The following ORAI2 variants were observed in gnomAD, a reference collection of about 807,000 sequenced individuals.
The protein encoded by ORAI2 is ORAI calcium release-activated calcium modulator 2, also known as protein orai-2.
Under a neutral mutation model 16.2 loss-of-function variants are expected in ORAI2, and 10 were observed. The ratio of observed to expected loss-of-function variants is 0.62; its 90% CI spans 0.38 to 1.04. The LOEUF is 1.04. Among genes scored for constraint, ORAI2 ranks in the 50% least tolerant of loss-of-function variants. The pLI is 0.01. For synonymous variants in ORAI2, 150 were observed against 157.5 expected, an observed-to-expected ratio of 0.95 and a Z score of 0.35; for missense variants, 238 against 355.5, an observed-to-expected ratio of 0.67 and a Z score of 2.66.
rs746348468 is a variant in ORAI2, at chr7:102,446,626, C to A, written c.339C>A (p.Leu113=). The A allele has an allele frequency of 6.2e-7, 1 of 1,614,076 alleles. No individual in the cohort carries two copies. Among genetic ancestry groups the A allele is most frequent in the South Asian group, 1.1e-5 (1 of 91,090 alleles). Residue 113 remains leucine (L), a synonymous_variant, in exon 4 of 4, where the codon CTC becomes CTA. Transcript: ENST00000495936. ...VLVAVHLFAL[L]ISTCILPNVE... is the part of the protein sequence containing the mutation. ...TGGCCGTGCACCTGTTCGCCCTCCTCATCAGCACCTGCATCCTGCCCAATG... is the reference window on the plus strand; with the variant it reads ...TGGCCGTGCACCTGTTCGCCCTCCTAATCAGCACCTGCATCCTGCCCAATG...
rs60274499 is a variant in ORAI2, at chr7:102,447,653, G to T, written c.*601G>T. On this transcript the variant is annotated 3_prime_UTR_variant, in exon 4 of 4. Transcript: ENST00000495936. ...GGACACACGTCAGCCCAGCAGGTGT[G>T]GGGGGTGCTGCAGCCCTCGGCAGTG... is the stretch of plus-strand genomic sequence containing the variant. 0.064 allele frequency: 8,487 copies of T among 132,994 alleles called. 796 individuals carry two copies. The highest frequency in any genetic ancestry group is 0.21 in the African/African-American group (8,017 of 38,752). The allele number at this position is 132,994 out of a possible 1,614,324, so 8.2% of individuals were successfully genotyped here.
At chr7:102,435,245 T>G (rs1269367994) in intron 1 of ORAI2, among the ~76,000 whole-genome samples, 1 of 152,188 alleles carries the variant, frequency 6.6e-6, no homozygotes, top group Non-Finnish European at 1.5e-5. Flanking sequence ...CACTCCAGCC[T>G]TGGTAACACA....
Position 102,447,269 on chromosome 7 carries a change from C to A in ORAI2, c.*217C>A. The A allele has an allele frequency of 1.6e-6, 1 of 607,014 alleles. No individual in the cohort carries two copies. The highest frequency in any genetic ancestry group is 2.3e-5 in the South Asian group (1 of 43,594). 37.6% of individuals were successfully genotyped at this position (607,014 alleles called of 1,614,324 possible). A position where few individuals can be genotyped will look rare whatever the true frequency, so the allele number is the denominator to read the frequency against. On this transcript the variant is annotated 3_prime_UTR_variant, in exon 4 of 4. Transcript: ENST00000495936. ...TAAGAGCGTTGGGGGCAAAGCCAGG[C>A]TGGTTCCTTGGCCTCGGGGTTTCCT... is the stretch of plus-strand genomic sequence containing the variant.
intron 1 of ORAI2, among the ~76,000 whole-genome samples, chr7:102,435,032 G>A (rs538259210): frequency 6.6e-6 from 1 of 152,270 alleles, no homozygotes; most frequent in South Asian, 2.1e-4. Flanking sequence ...CACTTTGGGA[G>A]GCCAAGGTGG....
chr7:102,446,841 C>T lies in ORAI2; in HGVS notation c.554C>T (p.Pro185Leu), dbSNP rs766937231. 3.1e-6 allele frequency: 5 copies of T among 1,613,850 alleles called. No individual in the cohort carries two copies. The highest frequency in any genetic ancestry group is 3.4e-6 in the Non-Finnish European group (4 of 1,179,986). Reference sequence around the variant, plus strand: ...GATGCCCGGCGCCAGCCTGGCCCCCCACCTGGCCCTGGGAGTCACACGGGC... The same window carrying T: ...GATGCCCGGCGCCAGCCTGGCCCCCTACCTGGCCCTGGGAGTCACACGGGC... ...PVDARRQPGP[P>L]PGPGSHTGWQ... Residue 185 changes from proline to leucine, a missense_variant, in exon 4 of 4, where the codon CCA becomes CTA. Pro to Leu is a moderately conservative substitution (Grantham distance 98). Around this residue, in one of 3 missense-constraint regions of ORAI2, gnomAD observed 176 missense variants for 265.9 expected, o/e 0.66. Coordinates refer to ENST00000495936, the MANE Select transcript of ORAI2 (RefSeq NM_001126340.3).
At chr7:102,435,198 G>A (rs1776345517) in intron 1 of ORAI2, among the ~76,000 whole-genome samples, 1 of 152,170 alleles carries the variant, frequency 6.6e-6, no homozygotes, top group Non-Finnish European at 1.5e-5. Flanking sequence ...TTGAGCCTGG[G>A]AGGTAGAATT....
At position 102,452,054 on chromosome 7, in the gene ORAI2, A is replaced by C. The variant is rs1228292945; in HGVS notation, c.*5002A>C. The C allele has an allele frequency of 6.6e-6, 1 of 152,050 alleles. No individual in the cohort carries two copies. Among genetic ancestry groups the C allele is most frequent in the East Asian group, 1.9e-4 (1 of 5,186 alleles). 9.4% of individuals were successfully genotyped at this position (152,050 alleles called of 1,614,324 possible). ...CACTGGTCACCTCAGGACATTCTCC[A>C]GCCCCAAGTCCCTGTGGGGCAGCAG... On this transcript the variant is annotated 3_prime_UTR_variant, in exon 4 of 4. Coordinates refer to ENST00000495936, the MANE Select transcript of ORAI2 (RefSeq NM_001126340.3).
chr7:102,445,866 T>C (rs184925388), intron 3 of ORAI2, among the ~76,000 whole-genome samples: 13 of 152,024 alleles, frequency 8.6e-5, no homozygotes, highest in African/African-American at 3.1e-4. Context: ...CCTTCTTTCT[T>C]TTTCTTTTCT....
intron 3 of ORAI2, among the ~76,000 whole-genome samples, chr7:102,443,134 T>TTCTTCTTCTTCTTC (rs1365078690): frequency 5.8e-5 from 4 of 69,156 alleles, no homozygotes; most frequent in African/African-American, 3.0e-4. Flanking sequence ...TCTTCTTCTT[T>TTCTTCTTCTTCTTC]TTTTTTTTTT....
In ORAI2 at chr7:102,452,136, CTT is replaced by C. The variant is rs879132941; in HGVS notation, c.*5097_*5098del. ...CACTGCTAAGGAAGCACCAGACAGC[CTT>C]TTTTTTTTTTTTGAGACAGAGTCGC... On this transcript the variant is annotated 3_prime_UTR_variant, in exon 4 of 4. Transcript: ENST00000495936. 1.7e-4 allele frequency: 25 copies of C among 143,126 alleles called. No individual in the cohort carries two copies. Among genetic ancestry groups the C allele is most frequent in the Middle Eastern group, 3.5e-3 (1 of 282 alleles). 8.9% of individuals were successfully genotyped at this position (143,126 alleles called of 1,614,324 possible). A position where few individuals can be genotyped will look rare whatever the true frequency, so the allele number is the denominator to read the frequency against.
At position 102,454,304 on chromosome 7, in the gene ORAI2, G is replaced by A. The variant is rs1312563730; in HGVS notation, c.*7252G>A. On this transcript the variant is annotated 3_prime_UTR_variant, in exon 4 of 4. Transcript: ENST00000495936. ...AGCTACTGGGGAGGCTGAGGTGGGA[G>A]AATCATCTGAGCCCAGGGAGGTTGA... 6.6e-6 allele frequency: 1 copy of A among 152,616 alleles called. No homozygotes were observed. Among genetic ancestry groups the A allele is most frequent in the Admixed American group, 6.5e-5 (1 of 15,282 alleles). 9.5% of individuals were successfully genotyped at this position (152,616 alleles called of 1,614,324 possible).
chr7:102,445,046 G>A (rs980148773), intron 3 of ORAI2, among the ~76,000 whole-genome samples: 5 of 60,218 alleles, frequency 8.3e-5, no homozygotes, highest in East Asian at 1.4e-3. Flanking sequence ...TGTAGCCTCC[G>A]ACTACGGTTG....
chr7:102,446,994 A>G lies in ORAI2; in HGVS notation c.707A>G (p.Glu236Gly). The change falls in exon 4 of 4, where the codon GAG becomes GGG. Residue 236 changes from glutamate to glycine, a missense_variant. Transcript: ENST00000495936. ...GAGCGCCACAACCGCGAGATCGAGGAGCTCCACAAGCTCAAGGTCCAGCTG... is the reference window on the plus strand; with the variant it reads ...GAGCGCCACAACCGCGAGATCGAGGGGCTCCACAAGCTCAAGGTCCAGCTG... ...KTERHNREIE[E>G]LHKLKVQLDG... is the part of the protein sequence containing the mutation. The G allele has an allele frequency of 6.3e-7, 1 of 1,585,184 alleles. No individual in the cohort carries two copies. The highest frequency in any genetic ancestry group is 8.6e-7 in the Non-Finnish European group (1 of 1,168,462).
chr7:102,434,034 A>G (rs1436330285), intron 1 of ORAI2, among the ~76,000 whole-genome samples: 1 of 148,398 alleles, frequency 6.7e-6, no homozygotes, highest in Non-Finnish European at 1.5e-5. Context: ...AAATGTGTCC[A>G]GTAGGCCAGC....
chr7:102,445,834 TTC>T (rs1051899502), intron 3 of ORAI2, among the ~76,000 whole-genome samples: 8 of 151,674 alleles, frequency 5.3e-5, no homozygotes, highest in African/African-American at 1.9e-4. Flanking sequence ...TCCCTCCCTT[TTC>T]TCTTTCTTTT....
At chr7:102,434,890 G>C (rs890999192) in intron 1 of ORAI2, 1 of 152,244 alleles carries the variant, frequency 6.6e-6, no homozygotes, top group African/African-American at 2.4e-5. Context: ...CACCCCACAT[G>C]TACACCTGGA....
intron 1 of ORAI2, among the ~76,000 whole-genome samples, chr7:102,435,536 CTT>C (rs56680127): frequency 0.02 from 2,427 of 121,418 alleles, 36 homozygotes; most frequent in African/African-American, 0.042. Flanking sequence ...GCCCCCCCCT[CTT>C]TTTTTTTTTT....
chr7:102,442,785 A>G (rs6960360), intron 3 of ORAI2, among the ~76,000 whole-genome samples: 89,891 of 151,558 alleles, frequency 0.59, 26,787 homozygotes, highest in Middle Eastern at 0.75. Flanking sequence ...GAATCCGGAA[A>G]GGGGAAGTTG....
chr7:102,444,511 C>G (rs1441903896), intron 3 of ORAI2, among the ~76,000 whole-genome samples: 2 of 143,100 alleles, frequency 1.4e-5, no homozygotes, highest in African/African-American at 2.7e-5. Flanking sequence ...CCCCCGCCCC[C>G]CACCCTCCAG....
Sources: gnomAD v4.1 joint callset for allele counts (sites outside exome capture counted in the v4.1 genomes callset) on GRCh38, gnomAD v4.1.1 for gene constraint, gnomAD v4.1.1 regional missense constraint, MANE v1.5 for transcripts, NCBI Gene and HGNC (gene_info 2026-07-23, HGNC 2026-07-21) for gene names.